HS2ST1: variants seen among roughly 807,000 people sequenced by gnomAD.
HS2ST1 encodes heparan sulfate 2-O-sulfotransferase 1.
HS2ST1 carries 18 observed loss-of-function variants against 42.9 expected under a neutral mutation model. The observed-to-expected ratio is 0.42, with a 90% CI of 0.29 to 0.62. The LOEUF (loss-of-function observed/expected upper bound fraction) is 0.62, where lower values mean the gene tolerates loss of function less well. Among genes scored for constraint, HS2ST1 ranks in the 20% least tolerant of loss-of-function variants. The pLI is 0.21. For synonymous variants in HS2ST1, 146 were observed against 152.9 expected (o/e 0.95, Z 0.33); for missense variants, 334 against 433.8 (o/e 0.77, Z 2.04).
rs116037068 is a variant in HS2ST1 at position 87,064,625 on chromosome 1, C to A, written c.125-8309C>A. 4,302 of 463,170 alleles carry A rather than the reference C, an allele frequency of 9.3e-3. 158 individuals are homozygous for A. The highest frequency in any genetic ancestry group is 0.078 in the African/African-American group (3,912 of 50,378). The allele number at this position is 463,170 out of a possible 1,614,324, so 28.7% of individuals were successfully genotyped here. On this transcript the variant is annotated intron_variant, in intron 1 of 6. Transcript: ENST00000370550. ...GCATATAGAAATTTATTTTGTTAGT[C>A]CCCCATGGTGATTGTGCTCAGGGAG...
chr1:86,971,101 GTATTTA>G (rs1411045119), intron 1 of HS2ST1, among the ~76,000 whole-genome samples: 2 of 152,112 alleles, frequency 1.3e-5, no homozygotes, highest in Non-Finnish European at 2.9e-5. Flanking sequence ...CAGTCAGCAA[GTATTTA>G]TTGAAGGCCT....
intron 1 of HS2ST1, among the ~76,000 whole-genome samples, chr1:86,985,957 AAAATCACCT>A (rs1648772243): frequency 6.6e-6 from 1 of 151,966 alleles, no homozygotes; most frequent in Non-Finnish European, 1.5e-5. Context: ...CTTCTTTTAT[AAAATCACCT>A]AAATTGTGTG....
In HS2ST1 at chr1:87,032,508, C is replaced by T. The variant is rs189791838; in HGVS notation, c.125-40426C>T. On this transcript the variant is annotated intron_variant, in intron 1 of 6. Transcript: ENST00000370550. ...AGGTCAATTTTGATTTCTCTCAATA[C>T]GTTTGAAACTCCCTTTTTTATTATT... 7.2e-4 allele frequency among the ~76,000 whole-genome samples: 110 copies of T among 152,182 alleles called. 1 individual carries two copies. The highest frequency in any genetic ancestry group is 6.8e-3 in the Middle Eastern group (2 of 294).
intron 1 of HS2ST1, among the ~76,000 whole-genome samples, chr1:86,933,799 G>A (rs1419407004): frequency 6.7e-6 from 1 of 148,756 alleles, no homozygotes; most frequent in Non-Finnish European, 1.5e-5. Flanking sequence ...AGGCCTATCT[G>A]GCTAGGAGTT....
intron 1 of HS2ST1, among the ~76,000 whole-genome samples, chr1:87,072,517 G>A (rs10782592): frequency 0.72 from 109,283 of 151,516 alleles, 41,421 homozygotes; most frequent in East Asian, 0.97. Context: ...TTGAGAATTA[G>A]TTCAGGCTGT....
At chr1:87,007,546 A>T (rs552200880) in intron 1 of HS2ST1, among the ~76,000 whole-genome samples, 37 of 152,248 alleles carry the variant, frequency 2.4e-4, no homozygotes, top group Admixed American at 1.5e-3. Flanking sequence ...TTAAAATGTG[A>T]TAGGAGAAAC....
intron 1 of HS2ST1, among the ~76,000 whole-genome samples, chr1:86,994,521 T>C (rs1456983131): frequency 6.6e-6 from 1 of 152,172 alleles, no homozygotes; most frequent in African/African-American, 2.4e-5. Context: ...TAATATGAGA[T>C]TGAAATTTGT....
chr1:86,949,090 A>G (rs774680598), intron 1 of HS2ST1, among the ~76,000 whole-genome samples: 1 of 152,178 alleles, frequency 6.6e-6, no homozygotes, highest in Non-Finnish European at 1.5e-5. Flanking sequence ...TCCTTAAAAA[A>G]TGATAAAAAA....
At chr1:87,060,245 T>TATTTC (rs1238674284) in intron 1 of HS2ST1, among the ~76,000 whole-genome samples, 2 of 152,178 alleles carry the variant, frequency 1.3e-5, no homozygotes, top group Middle Eastern at 3.2e-3. Flanking sequence ...TTACCATGCC[T>TATTTC]ATTTCAAAGG....
intron 1 of HS2ST1, among the ~76,000 whole-genome samples, chr1:87,033,872 A>G (rs1650303218): frequency 6.6e-6 from 1 of 152,176 alleles, no homozygotes; most frequent in South Asian, 2.1e-4. Context: ...TAGTTTGCAT[A>G]ATACTTTGAC....
At chr1:87,013,408 C>T (rs192512874) in intron 1 of HS2ST1, among the ~76,000 whole-genome samples, 3 of 152,358 alleles carry the variant, frequency 2.0e-5, no homozygotes, top group Admixed American at 1.3e-4. Flanking sequence ...TACCTTGGCC[C>T]CTTTTAGCCA....
chr1:87,037,857 T>C (rs1283253450), intron 1 of HS2ST1, among the ~76,000 whole-genome samples: 2 of 152,024 alleles, frequency 1.3e-5, no homozygotes, highest in East Asian at 3.8e-4. Flanking sequence ...AACTGCTATG[T>C]AGCATATATC....
At chr1:87,046,596 T>G in intron 1 of HS2ST1, 1 of 1,576,620 alleles carries the variant, frequency 6.3e-7, no homozygotes, top group South Asian at 1.1e-5. Context: ...CCAGTTCTGT[T>G]GGACTGGGCT....
chr1:87,100,413 G>A (rs994916937), intron 5 of HS2ST1, among the ~76,000 whole-genome samples: 5 of 152,160 alleles, frequency 3.3e-5, no homozygotes, highest in African/African-American at 1.2e-4. Context: ...GCTTCTCAGG[G>A]CAGCAGGACC....
chr1:86,917,420 A>G (rs559667246), intron 1 of HS2ST1, among the ~76,000 whole-genome samples: 19 of 152,118 alleles, frequency 1.2e-4, no homozygotes, highest in African/African-American at 4.1e-4. Flanking sequence ...TCAGGAGGCT[A>G]AGGCATGAGA....
intron 1 of HS2ST1, among the ~76,000 whole-genome samples, chr1:87,027,381 A>G (rs1381982562): frequency 6.6e-6 from 1 of 152,232 alleles, no homozygotes; most frequent in Non-Finnish European, 1.5e-5. Flanking sequence ...AGTGGACAAC[A>G]TGTTTTAAAA....
At chr1:87,085,970 G>T (rs1651807512) in intron 3 of HS2ST1, among the ~76,000 whole-genome samples, 1 of 152,122 alleles carries the variant, frequency 6.6e-6, no homozygotes, top group Non-Finnish European at 1.5e-5. Context: ...TATTTGAAGG[G>T]AAAAGTATTG....
rs903633904 is a variant in HS2ST1, at chr1:87,108,875, T to G, written c.*4179T>G. The stretch of plus-strand genomic sequence containing the variant: ...TCTCTGAAGCAGTGTTGAATGTAAT[T>G]TTCGGAAACATGGATTGTGTATTTT... On this transcript the variant is annotated 3_prime_UTR_variant, in exon 7 of 7. Transcript: ENST00000370550. 6.6e-6 allele frequency: 1 copy of G among 152,504 alleles called. No individual in the cohort carries two copies. Among genetic ancestry groups the G allele is most frequent in the African/African-American group, 2.4e-5 (1 of 41,436 alleles). The allele number at this position is 152,504 out of a possible 1,614,324, so 9.4% of individuals were successfully genotyped here.
chr1:87,045,134 T>C (rs1268033402), intron 1 of HS2ST1: 3 of 863,726 alleles, frequency 3.5e-6, no homozygotes, highest in African/African-American at 3.3e-5. Context: ...AAGGCTGACC[T>C]CCATCATTAC....
Sources: allele counts gnomAD v4.1 joint callset (sites outside exome capture counted in the v4.1 genomes callset), GRCh38; gene constraint gnomAD v4.1.1; transcripts MANE v1.5; gene names NCBI Gene and HGNC (gene_info 2026-07-23, HGNC 2026-07-21).